Variants in ACTN4 observed in about 807,000 individuals in gnomAD.
ACTN4 encodes the protein actinin alpha 4, also known as alpha-actinin-4.
A neutral mutation model predicts 114.2 loss-of-function variants in ACTN4; 18 were observed. The ratio of observed to expected loss-of-function variants is 0.16; its 90% CI spans 0.11 to 0.23. The LOEUF is 0.23. Ranked by LOEUF, ACTN4 falls within the 10% of genes least tolerant of loss-of-function variation. The probability of loss-of-function intolerance (pLI) is 1.00; values close to 1 mark genes in which losing one functional copy is unlikely to be tolerated. For missense variants in ACTN4, 722 were observed against 1,262.9 expected, an observed-to-expected ratio of 0.57 and a Z score of 6.49; for synonymous variants, 515 against 506.3, an observed-to-expected ratio of 1.02 and a Z score of -0.23.
chr19:38,682,184 T>A (rs1967598102), intron 1 of ACTN4, among the ~76,000 whole-genome samples: 1 of 152,002 alleles, frequency 6.6e-6, no homozygotes, highest in Admixed American at 6.6e-5. Context: ...AGCAACTGCT[T>A]TTCTTTTTTC....
chr19:38,717,546 A>T lies in ACTN4; in HGVS notation c.1143+230A>T, dbSNP rs1025846573. 6.6e-6 allele frequency among the ~76,000 whole-genome samples: 1 copy of T among 152,028 alleles called. No individual in the cohort carries two copies. Among genetic ancestry groups the T allele is most frequent in the African/African-American group, 2.4e-5 (1 of 41,386 alleles). ...ACCCAGGGTTTTATACGCATCCCAA[A>T]TCCTTGCCACGGGTTGTGTGGGTGT... On this transcript the variant is annotated intron_variant, in intron 10 of 20. Coordinates refer to ENST00000252699, the MANE Select transcript of ACTN4 (RefSeq NM_004924.6). The surrounding 1 kb of genome is among the most constrained non-coding windows in gnomAD (Gnocchi z 4.0).
Position 38,730,180 on chromosome 19 carries a change from TAA to T in ACTN4, c.*752_*753del, listed in dbSNP as rs1969463333. 1.3e-5 allele frequency: 2 copies of T among 153,172 alleles called. No homozygotes were observed. The highest frequency in any genetic ancestry group is 2.9e-5 in the Non-Finnish European group (2 of 69,646). 9.5% of individuals were successfully genotyped at this position (153,172 alleles called of 1,614,324 possible). ...AAAAAAACTATAAAAAAGAAAGAAT[TAA>T]AAACTTTCAGAGAATTACTATTTAC... On this transcript the variant is annotated 3_prime_UTR_variant, in exon 21 of 21. Transcript: ENST00000252699.
chr19:38,688,646 G>C (rs1967825244), intron 1 of ACTN4, among the ~76,000 whole-genome samples: 1 of 151,884 alleles, frequency 6.6e-6, no homozygotes, highest in Non-Finnish European at 1.5e-5. Context: ...CAGATTGCTT[G>C]AGCCCAGGAG....
chr19:38,704,343 A>T lies in ACTN4; in HGVS notation c.398-591A>T, dbSNP rs146573355. Among the ~76,000 whole-genome samples the T allele has an allele frequency of 1.6e-4, 25 of 152,330 alleles. No individual in the cohort carries two copies. In the East Asian group the frequency reaches 4.6e-3, roughly 28 times the overall value. Reference sequence around the variant, plus strand: ...CATGCTCGCTGCTGTGTCGATGTGGATTATGGGCGGGAAGGGTACATAGGA... The same window carrying T: ...CATGCTCGCTGCTGTGTCGATGTGGTTTATGGGCGGGAAGGGTACATAGGA... On this transcript the variant is annotated intron_variant, in intron 3 of 20. Coordinates refer to ENST00000252699, the MANE Select transcript of ACTN4 (RefSeq NM_004924.6).
intron 5 of ACTN4, among the ~76,000 whole-genome samples, chr19:38,706,916 C>T (rs1968479732): frequency 2.6e-5 from 4 of 152,202 alleles, no homozygotes; most frequent in South Asian, 2.1e-4. Context: ...TGGGCACTGC[C>T]GCATGAGGTC....
intron 1 of ACTN4, among the ~76,000 whole-genome samples, chr19:38,659,065 C>CTTTTTTTCTTT (rs1555822758): frequency 4.5e-5 from 5 of 111,692 alleles, no homozygotes; most frequent in African/African-American, 1.6e-4. Context: ...CTTTTCTTTT[C>CTTTTTTTCTTT]TTTTTTTTTT....
intron 1 of ACTN4, among the ~76,000 whole-genome samples, chr19:38,678,448 G>A (rs763332167): frequency 4.8e-4 from 73 of 152,166 alleles, no homozygotes; most frequent in Admixed American, 1.9e-3. Flanking sequence ...CAGCCCACTC[G>A]TCTCCATTTA....
chr19:38,718,180 C>G (rs1968911566), intron 11 of ACTN4, 106 bp downstream of exon 11: 1 of 1,533,806 alleles, frequency 6.5e-7, no homozygotes, highest in Non-Finnish European at 8.8e-7. Flanking sequence ...CACGTTGGGT[C>G]TGTTTCTCAG....
intron 6 of ACTN4, among the ~76,000 whole-genome samples, chr19:38,708,436 C>T (rs1475122115): frequency 2.6e-5 from 4 of 152,200 alleles, no homozygotes; most frequent in East Asian, 3.9e-4. Flanking sequence ...GCAACCAACC[C>T]GGGGTTATTT....
rs559460167 is a variant in ACTN4, at chr19:38,713,078, A to G, written c.820-1391A>G. Among the ~76,000 whole-genome samples, 4 of 152,248 alleles carry G rather than the reference A, an allele frequency of 2.6e-5. No individual in the cohort carries two copies. The East Asian group carries it at 7.7e-4, about 29-fold the overall frequency. Reference sequence around the variant, plus strand: ...GCTGCTCCTGCTGCCTCGTTTCCCCAGAGACCCAGTCCAAGCTCTTGCAAG... The same window carrying G: ...GCTGCTCCTGCTGCCTCGTTTCCCCGGAGACCCAGTCCAAGCTCTTGCAAG... On this transcript the variant is annotated intron_variant, in intron 8 of 20. Coordinates refer to ENST00000252699, the MANE Select transcript of ACTN4 (RefSeq NM_004924.6).
At chr19:38,692,663 C>T (rs1452153418) in intron 1 of ACTN4, among the ~76,000 whole-genome samples, 1 of 152,184 alleles carries the variant, frequency 6.6e-6, no homozygotes, top group South Asian at 2.1e-4. Context: ...AAAAGATGCC[C>T]CAGTGGGGCT....
intron 16 of ACTN4, 21 bp from the exon 17 acceptor site, chr19:38,725,703 C>T (rs545769943): frequency 2.9e-5 from 46 of 1,611,544 alleles, no homozygotes; most frequent in East Asian, 6.7e-5. Context: ...CTCACCCCAC[C>T]GCCTGCACCC....
In ACTN4 at chr19:38,730,180, TAAAAA is replaced by T. The variant is rs1969463494; in HGVS notation, c.*749_*753del. The T allele has an allele frequency of 1.3e-5, 2 of 153,172 alleles. No individual in the cohort carries two copies. Among genetic ancestry groups the T allele is most frequent in the Non-Finnish European group, 2.9e-5 (2 of 69,646 alleles). 9.5% of individuals were successfully genotyped at this position (153,172 alleles called of 1,614,324 possible). A position where few individuals can be genotyped will look rare whatever the true frequency, so the allele number is the denominator to read the frequency against. On this transcript the variant is annotated 3_prime_UTR_variant, in exon 21 of 21. Transcript: ENST00000252699. ...AAAAAAACTATAAAAAAGAAAGAAT[TAAAAA>T]CTTTCAGAGAATTACTATTTACTTT...
At chr19:38,687,913 C>T (rs1423263840) in intron 1 of ACTN4, among the ~76,000 whole-genome samples, 1 of 152,156 alleles carries the variant, frequency 6.6e-6, no homozygotes, top group African/African-American at 2.4e-5. Flanking sequence ...TTAAATTCAA[C>T]AGTAAAAAGA....
chr19:38,705,377 T>G lies in ACTN4; in HGVS notation c.484+357T>G, dbSNP rs1451468831. Reference sequence around the variant, plus strand: ...GCCTGGGCCTGGTTCTCTGTCTGCTTGACATCCCCATCCTTGAAACTTGGC... The same window carrying G: ...GCCTGGGCCTGGTTCTCTGTCTGCTGGACATCCCCATCCTTGAAACTTGGC... On this transcript the variant is annotated intron_variant, in intron 4 of 20. Transcript: ENST00000252699. Among the ~76,000 whole-genome samples, 8 of 152,222 alleles carry G rather than the reference T, an allele frequency of 5.3e-5. No homozygotes were observed. In the East Asian group the frequency reaches 1.2e-3, roughly 22 times the overall value.
At chr19:38,679,617 G>A (rs1223438258) in intron 1 of ACTN4, among the ~76,000 whole-genome samples, 1 of 127,846 alleles carries the variant, frequency 7.8e-6, no homozygotes, top group East Asian at 2.9e-4. Context: ...TTAGAGACAG[G>A]GTCTCGCCCT....
chr19:38,663,409 G>A (rs780553070), intron 1 of ACTN4, among the ~76,000 whole-genome samples: 4 of 152,186 alleles, frequency 2.6e-5, no homozygotes, highest in Non-Finnish European at 4.4e-5. Context: ...CAAAGAGCTC[G>A]CGGTGTAGCT....
chr19:38,676,776 G>C (rs1461452086), intron 1 of ACTN4, among the ~76,000 whole-genome samples: 1 of 152,162 alleles, frequency 6.6e-6, no homozygotes, highest in Non-Finnish European at 1.5e-5. Context: ...AGGTGCTCTA[G>C]CTCCTGGAGC....
chr19:38,694,667 A>G (rs1968034277), intron 1 of ACTN4, among the ~76,000 whole-genome samples: 1 of 152,038 alleles, frequency 6.6e-6, no homozygotes, highest in Admixed American at 6.6e-5. Context: ...GTTTGTATGT[A>G]TCATCTGTGT....
Sources: allele counts gnomAD v4.1 joint callset (sites outside exome capture counted in the v4.1 genomes callset), GRCh38; gene constraint gnomAD v4.1.1; non-coding constraint Gnocchi (gnomAD v3.1); transcripts MANE v1.5; gene names NCBI Gene and HGNC (gene_info 2026-07-23, HGNC 2026-07-21).